The following RFT1 variants were observed in gnomAD, a reference collection of about 807,000 sequenced individuals.
The protein encoded by RFT1 is RFT1 glycolipid translocator homolog.
Under a neutral mutation model 62.2 loss-of-function variants are expected in RFT1, and 43 were observed. The ratio of observed to expected loss-of-function variants is 0.69; its 90% CI spans 0.54 to 0.89. The LOEUF (loss-of-function observed/expected upper bound fraction) is 0.89. RFT1 is among the 40% of genes least tolerant of loss of function. RFT1 has a pLI of 0.00. For synonymous variants in RFT1, 262 were observed against 264.6 expected, an observed-to-expected ratio of 0.99 and a Z score of 0.10; for missense variants, 605 against 649.9, an observed-to-expected ratio of 0.93 and a Z score of 0.75.
At chr3:53,130,262 C>T (rs908024670) in intron 1 of RFT1, 76 bp downstream of exon 1, 43 of 1,430,634 alleles carry the variant, frequency 3.0e-5, no homozygotes, top group Middle Eastern at 2.0e-4. Context: ...CTGGGGCAGG[C>T]TCTCAAGGGC....
chr3:53,082,056 G>C, the RFT1 span, among the ~76,000 whole-genome samples: 2 of 152,204 alleles, frequency 1.3e-5, no homozygotes, highest in South Asian at 4.2e-4. Context: ...TGATCTTCCC[G>C]CCTCAGCCTC....
At chr3:53,111,946 G>A in intron 6 of RFT1, 38 bp from the exon 7 acceptor site, 1 of 1,520,402 alleles carries the variant, frequency 6.6e-7, no homozygotes, top group Non-Finnish European at 9.1e-7. Flanking sequence ...AACATCACAG[G>A]CGTTGCAAGT....
chr3:53,070,392 G>GTTTT, the RFT1 span, among the ~76,000 whole-genome samples: 1 of 22,482 alleles, frequency 4.4e-5, no homozygotes, highest in African/African-American at 7.6e-5. Flanking sequence ...CCTGTATTAT[G>GTTTT]GTTTTTTTTT....
chr3:53,095,219 C>T (rs1489711935), intron 11 of RFT1, among the ~76,000 whole-genome samples: 1 of 151,682 alleles, frequency 6.6e-6, no homozygotes, highest in Admixed American at 6.6e-5. Flanking sequence ...GCCAAGATCA[C>T]GCCACTGTAC....
chr3:53,067,117 T>G, the RFT1 span, among the ~76,000 whole-genome samples: 1 of 152,142 alleles, frequency 6.6e-6, no homozygotes, highest in East Asian at 1.9e-4. Flanking sequence ...CGCTTGAGCC[T>G]AGGAGTTAGA....
chr3:53,089,820 G>A lies in RFT1; in HGVS notation c.*2083C>T, dbSNP rs1303602849. The A allele has an allele frequency of 6.6e-6, 1 of 152,404 alleles. No homozygotes were observed. The highest frequency in any genetic ancestry group is 1.9e-4 in the East Asian group (1 of 5,202). 9.4% of individuals were successfully genotyped at this position (152,404 alleles called of 1,614,324 possible). A position where few individuals can be genotyped will look rare whatever the true frequency, so the allele number is the denominator to read the frequency against. ...GCAGCACTGGGCGAACAGCAGGGGA[G>A]GGATGAGAGAGTGAGCACTGCCTTC... On this transcript the variant is annotated 3_prime_UTR_variant, in exon 13 of 13. Transcript: ENST00000296292.
chr3:53,093,726 C>T (rs1701061531), intron 11 of RFT1, among the ~76,000 whole-genome samples: 1 of 151,748 alleles, frequency 6.6e-6, no homozygotes, highest in Non-Finnish European at 1.5e-5. Flanking sequence ...CTCTACAAAA[C>T]CCAGTAAAAA....
intron 7 of RFT1, among the ~76,000 whole-genome samples, chr3:53,108,191 G>C (rs1480603470): frequency 2.0e-5 from 3 of 151,872 alleles, no homozygotes; most frequent in African/African-American, 4.8e-5. Context: ...TGGGATTACA[G>C]GTGTCCACCA....
chr3:53,091,488 G>T lies in RFT1; in HGVS notation c.*415C>A, dbSNP rs960148471. On this transcript the variant is annotated 3_prime_UTR_variant, in exon 13 of 13. Coordinates refer to ENST00000296292, the MANE Select transcript of RFT1 (RefSeq NM_052859.4). ...TTTCTCTCTCTCTTTTACAGAAGAA[G>T]TTCAATATTCCTGTGAAGGGTAAAA... 1.3e-5 allele frequency: 3 copies of T among 229,366 alleles called. No homozygotes were observed. The highest frequency in any genetic ancestry group is 6.8e-5 in the African/African-American group (3 of 44,386). 14.2% of individuals were successfully genotyped at this position (229,366 alleles called of 1,614,324 possible). A position where few individuals can be genotyped will look rare whatever the true frequency, so the allele number is the denominator to read the frequency against.
chr3:53,108,013 C>A (rs1027461343), intron 7 of RFT1, among the ~76,000 whole-genome samples: 2 of 152,184 alleles, frequency 1.3e-5, no homozygotes, highest in African/African-American at 4.8e-5. Flanking sequence ...ACCCTCACTG[C>A]TAACAGTTCC....
In RFT1 at chr3:53,105,805, T is replaced by C. The variant is rs1289315906; in HGVS notation, c.827-2A>G. ...GATTATTCACTATATCATACACACCTACAAAACAAAAAAGAAGAAACAACA... is the reference window on the plus strand; with the variant it reads ...GATTATTCACTATATCATACACACCCACAAAACAAAAAAGAAGAAACAACA... On this transcript the variant is annotated splice_acceptor_variant, in intron 8 of 12. Coordinates refer to ENST00000296292, the MANE Select transcript of RFT1 (RefSeq NM_052859.4). LOFTEE classifies it high-confidence loss of function. 6.2e-7 allele frequency: 1 copy of C among 1,611,660 alleles called. No individual in the cohort carries two copies. The highest frequency in any genetic ancestry group is 1.7e-5 in the Admixed American group (1 of 59,822).
chr3:53,078,255 G>A, the RFT1 span: 1 of 152,386 alleles, frequency 6.6e-6, no homozygotes, highest in African/African-American at 2.4e-5. Context: ...GTGCAGGACA[G>A]TGTGAGCACG....
intron 6 of RFT1, among the ~76,000 whole-genome samples, chr3:53,114,851 G>A (rs1017287481): frequency 3.3e-5 from 5 of 152,242 alleles, no homozygotes; most frequent in Middle Eastern, 3.4e-3. Context: ...TGAGTCACTC[G>A]TCCACTTCCC....
chr3:53,117,021 T>C (rs1231256657), intron 6 of RFT1, among the ~76,000 whole-genome samples: 6 of 152,202 alleles, frequency 3.9e-5, no homozygotes, highest in East Asian at 1.9e-4. Flanking sequence ...CTACATAACA[T>C]AGGGGTAAGC....
chr3:53,087,300 C>A (rs1045493920), downstream of RFT1, among the ~76,000 whole-genome samples: 1 of 152,114 alleles, frequency 6.6e-6, no homozygotes, highest in Admixed American at 6.6e-5. Flanking sequence ...TAGTCCCCAC[C>A]CCGTTTTCAG....
chr3:53,092,018 A>G lies in RFT1; in HGVS notation c.1511T>C (p.Val504Ala). The stretch of plus-strand genomic sequence containing the variant: ...AGTTGCTCCCAGACAGAAGGCCCCC[A>G]CAGCAATGTGTGCCAGTCTGGCTGG... ...GWPARLAHIA[V>A]GAFCLGATLG... Residue 504 changes from valine to alanine, a missense_variant, in exon 13 of 13, where the codon GTG becomes GCG. Physicochemically the swap from Val to Ala is moderately conservative, Grantham distance 64. Transcript: ENST00000296292. 6.2e-7 allele frequency: 1 copy of G among 1,614,256 alleles called. No homozygotes were observed.
chr3:53,094,991 G>A (rs1701101615), intron 11 of RFT1, among the ~76,000 whole-genome samples: 2 of 151,978 alleles, frequency 1.3e-5, no homozygotes, highest in Admixed American at 1.3e-4. Context: ...TTTTTGGCCG[G>A]GCACGGTGGC....
At chr3:53,115,125 A>G (rs1020559802) in intron 6 of RFT1, among the ~76,000 whole-genome samples, 8 of 152,034 alleles carry the variant, frequency 5.3e-5, no homozygotes, top group African/African-American at 1.5e-4. Context: ...CAGGCTCCCA[A>G]TGAGCTTTTT....
Position 53,105,807 on chromosome 3 carries a change from C to T in RFT1, c.827-4G>A. The stretch of plus-strand genomic sequence containing the variant: ...TTATTCACTATATCATACACACCTA[C>T]AAAACAAAAAAGAAGAAACAACAAT... On this transcript the variant is annotated splice_region_variant and splice_polypyrimidine_tract_variant and intron_variant, in intron 8 of 12. Coordinates refer to ENST00000296292, the MANE Select transcript of RFT1 (RefSeq NM_052859.4). 2 of 1,610,846 alleles carry T rather than the reference C, an allele frequency of 1.2e-6. No individual in the cohort carries two copies.
Sources: allele counts gnomAD v4.1 joint callset (sites outside exome capture counted in the v4.1 genomes callset), GRCh38; gene constraint gnomAD v4.1.1; transcripts MANE v1.5; gene names NCBI Gene and HGNC (gene_info 2026-07-23, HGNC 2026-07-21).